ATG5: variants seen among roughly 807,000 people sequenced by gnomAD.
ATG5 encodes autophagy protein 5.
ATG5 carries 14 observed loss-of-function variants against 36.5 expected under a neutral mutation model. The observed-to-expected ratio is 0.38, with a 90% CI of 0.25 to 0.60. The LOEUF (loss-of-function observed/expected upper bound fraction) is 0.60. Ranked by LOEUF, ATG5 falls within the 20% of genes least tolerant of loss-of-function variation. The probability of loss-of-function intolerance (pLI) is 0.60; values close to 1 mark genes in which losing one functional copy is unlikely to be tolerated. For synonymous variants in ATG5, 95 were observed against 101.5 expected, an observed-to-expected ratio of 0.94 and a Z score of 0.38; for missense variants, 195 against 326.7, an observed-to-expected ratio of 0.60 and a Z score of 3.11.
At chr6:106,266,609 T>C (rs987352064) in intron 5 of ATG5, among the ~76,000 whole-genome samples, 1 of 152,034 alleles carries the variant, frequency 6.6e-6, no homozygotes, top group Admixed American at 6.6e-5. Context: ...TCAAGAAAAT[T>C]CTGGCAAACC....
At chr6:106,196,715 T>G (rs1055055565) in intron 7 of ATG5, among the ~76,000 whole-genome samples, 9 of 128,498 alleles carry the variant, frequency 7.0e-5, no homozygotes, top group Non-Finnish European at 1.5e-4. Flanking sequence ...AGAGTGAGAA[T>G]CAGTCTCAAA....
At chr6:106,245,293 A>G (rs963967039) in intron 6 of ATG5, among the ~76,000 whole-genome samples, 1 of 152,210 alleles carries the variant, frequency 6.6e-6, no homozygotes. Context: ...AATCTTTACA[A>G]AAGTTTATCT....
chr6:106,265,563 C>T (rs1023798577), intron 5 of ATG5, among the ~76,000 whole-genome samples: 1 of 152,178 alleles, frequency 6.6e-6, no homozygotes, highest in African/African-American at 2.4e-5. Context: ...CTTCTCAGCA[C>T]CACATAGCAT....
intron 7 of ATG5, among the ~76,000 whole-genome samples, chr6:106,199,273 T>C (rs1477671132): frequency 2.0e-5 from 3 of 152,186 alleles, no homozygotes; most frequent in African/African-American, 7.2e-5. Context: ...TATTTGAATG[T>C]TCCTAGCAGC....
chr6:106,264,195 C>T (rs1397630132), intron 5 of ATG5, among the ~76,000 whole-genome samples: 1 of 151,952 alleles, frequency 6.6e-6, no homozygotes, highest in Non-Finnish European at 1.5e-5. Context: ...CTTTGTGAAG[C>T]ATATACAAGT....
chr6:106,289,181 T>C (rs904366448), intron 4 of ATG5, among the ~76,000 whole-genome samples: 1 of 152,210 alleles, frequency 6.6e-6, no homozygotes, highest in African/African-American at 2.4e-5. Flanking sequence ...AACTATTTTC[T>C]ACAAACTTTA....
Position 106,231,638 on chromosome 6 carries a change from CCT to C in ATG5, c.573+16510_573+16511del, listed in dbSNP as rs1463354437. 5.3e-5 allele frequency among the ~76,000 whole-genome samples: 8 copies of C among 152,280 alleles called. No homozygotes were observed. The East Asian group carries it at 1.5e-3, about 29-fold the overall frequency. On this transcript the variant is annotated intron_variant, in intron 6 of 7. Transcript: ENST00000369076. ...CTAACGGAGGCATTGAGGAAGCATA[CCT>C]CTCTCTGTCAACTGACTCTACTGAA...
chr6:106,276,600 G>GC (rs1562251106), intron 5 of ATG5, among the ~76,000 whole-genome samples: 1 of 151,822 alleles, frequency 6.6e-6, no homozygotes, highest in Non-Finnish European at 1.5e-5. Flanking sequence ...ATCTTCCAAT[G>GC]CCCCAAATAA....
In ATG5 at chr6:106,235,479, G is replaced by A. The variant is rs149124673; in HGVS notation, c.573+12671C>T. Reference sequence around the variant, plus strand: ...GCACTTGGGTTTTCCTGTTGAGTGGGGGGACTGAGAGACAGGATTAGCTGG... The same window carrying A: ...GCACTTGGGTTTTCCTGTTGAGTGGAGGGACTGAGAGACAGGATTAGCTGG... On this transcript the variant is annotated intron_variant, in intron 6 of 7. Transcript: ENST00000369076. 4.7e-4 allele frequency among the ~76,000 whole-genome samples: 72 copies of A among 152,224 alleles called. 1 individual carries two copies. The East Asian group carries it at 8.9e-3, about 19-fold the overall frequency.
chr6:106,207,177 G>A (rs1274634445), intron 6 of ATG5, among the ~76,000 whole-genome samples: 4 of 152,100 alleles, frequency 2.6e-5, no homozygotes, highest in African/African-American at 7.2e-5. Flanking sequence ...AACACCAAAT[G>A]AAATGAAAAA....
At chr6:106,299,080 A>C (rs1770100656) in intron 3 of ATG5, among the ~76,000 whole-genome samples, 1 of 152,196 alleles carries the variant, frequency 6.6e-6, no homozygotes, top group South Asian at 2.1e-4. Context: ...ACTTAAATTT[A>C]ATAGAAAAGC....
chr6:106,314,414 G>A (rs540164484), intron 2 of ATG5, among the ~76,000 whole-genome samples: 11 of 152,132 alleles, frequency 7.2e-5, no homozygotes, highest in East Asian at 1.9e-4. Flanking sequence ...AAAATTAACC[G>A]AGCATGATGG....
intron 6 of ATG5, among the ~76,000 whole-genome samples, chr6:106,210,284 T>C (rs1237886116): frequency 2.6e-5 from 4 of 152,144 alleles, no homozygotes; most frequent in Non-Finnish European, 5.9e-5. Context: ...AAAACAAAAG[T>C]AATGTTTATA....
chr6:106,302,205 G>C (rs949650699), intron 3 of ATG5, among the ~76,000 whole-genome samples: 1 of 151,934 alleles, frequency 6.6e-6, no homozygotes, highest in Non-Finnish European at 1.5e-5. Context: ...CCAAAACAAA[G>C]GATGCTGGAA....
intron 3 of ATG5, among the ~76,000 whole-genome samples, chr6:106,306,850 A>C (rs1482491041): frequency 1.3e-5 from 2 of 152,180 alleles, no homozygotes; most frequent in Non-Finnish European, 2.9e-5. Context: ...AATTCTCCTG[A>C]GAAATAAAAA....
chr6:106,222,867 A>C (rs974064978), intron 6 of ATG5, among the ~76,000 whole-genome samples: 2 of 152,198 alleles, frequency 1.3e-5, no homozygotes, highest in Non-Finnish European at 2.9e-5. Context: ...AAATACATGT[A>C]AAATAATTTA....
intron 4 of ATG5, among the ~76,000 whole-genome samples, chr6:106,282,528 G>A (rs551449182): frequency 1.6e-4 from 24 of 152,244 alleles, no homozygotes; most frequent in African/African-American, 5.1e-4. Context: ...GAACACATAC[G>A]ATGCATTATG....
intron 4 of ATG5, 124 bp downstream of exon 4, chr6:106,292,904 C>G (rs1445049411): frequency 2.8e-6 from 2 of 717,316 alleles, no homozygotes; most frequent in Non-Finnish European, 4.7e-6. Context: ...CTAATCGAAG[C>G]TTAGCAACTA....
chr6:106,192,945 T>G (rs1776023903), intron 7 of ATG5, among the ~76,000 whole-genome samples: 1 of 152,218 alleles, frequency 6.6e-6, no homozygotes, highest in Non-Finnish European at 1.5e-5. Flanking sequence ...TACATCATGC[T>G]GAAGGATTTT....
Sources: gnomAD v4.1 joint callset for allele counts (sites outside exome capture counted in the v4.1 genomes callset) on GRCh38, gnomAD v4.1.1 for gene constraint, MANE v1.5 for transcripts, NCBI Gene and HGNC (gene_info 2026-07-23, HGNC 2026-07-21) for gene names.